RIPOR1: variants seen among roughly 807,000 people sequenced by gnomAD.
RIPOR1 encodes rho family-interacting cell polarization regulator 1.
RIPOR1 carries 58 observed loss-of-function variants against 116.5 expected under a neutral mutation model. That is an observed-to-expected ratio of 0.50 (90% confidence interval 0.40 to 0.62). RIPOR1 has a LOEUF of 0.62. Among genes scored for constraint, RIPOR1 ranks in the 20% least tolerant of loss-of-function variants. The pLI, the probability that RIPOR1 is intolerant of heterozygous loss-of-function variation, is 0.00. For missense variants in RIPOR1, 1,372 were observed against 1,586.2 expected (o/e 0.86, Z 2.29); for synonymous variants, 605 against 650.0 (o/e 0.93, Z 1.05).
chr16:67,525,719 A>T (rs2050534647), upstream of RIPOR1, among the ~76,000 whole-genome samples: 1 of 152,128 alleles, frequency 6.6e-6, no homozygotes, highest in Non-Finnish European at 1.5e-5. Flanking sequence ...AGAAGTGCTC[A>T]TAATTCCTTT....
In RIPOR1 at chr16:67,545,413, G is replaced by A; in HGVS notation, c.3069G>A (p.Lys1023=). 1 of 1,613,982 alleles carries A rather than the reference G, an allele frequency of 6.2e-7. No homozygotes were observed. The highest frequency in any genetic ancestry group is 8.5e-7 in the Non-Finnish European group (1 of 1,180,020). Residue 1023 remains lysine (K), a synonymous_variant, in exon 18 of 22, where the codon AAG becomes AAA. Coordinates refer to ENST00000042381, the MANE Select transcript of RIPOR1 (RefSeq NM_024519.4). This position sits in a 1 kb window ranked among gnomAD's most constrained non-coding sequence, Gnocchi z 4.8. The part of the protein sequence containing the change: ...VKFLEDALGQ[K]LPRRPQPGPG... ...TCCTGGAGGATGCCCTGGGGCAGAA[G>A]CTGCCCAGAAGGCCCCAGCCAGGGC...
At position 67,540,368 on chromosome 16, in the gene RIPOR1, T is replaced by C; in HGVS notation, c.631+5T>C. 1 of 1,614,104 alleles carries C rather than the reference T, an allele frequency of 6.2e-7. No individual in the cohort carries two copies. Among genetic ancestry groups the C allele is most frequent in the Non-Finnish European group, 8.5e-7 (1 of 1,180,020 alleles). The stretch of plus-strand genomic sequence containing the variant: ...AGTTTCATCTCCGAATGAAAGGTAC[T>C]GAGTTGTGGGGGCAGGTGGGGGGCT... On this transcript the variant is annotated splice_donor_5th_base_variant and intron_variant, in intron 8 of 21. Transcript: ENST00000042381. This position sits in a 1 kb window ranked among gnomAD's most constrained non-coding sequence, Gnocchi z 4.7.
chr16:67,527,744 G>T (rs980696964), upstream of RIPOR1, among the ~76,000 whole-genome samples: 8 of 151,784 alleles, frequency 5.3e-5, no homozygotes, highest in African/African-American at 1.9e-4. Context: ...GGCGTGGTGT[G>T]GGCGCCTGTA....
At chr16:67,528,955 G>A (rs540426899) in intron 1 of RIPOR1, 41 bp downstream of exon 1, 79 of 183,014 alleles carry the variant, frequency 4.3e-4, no homozygotes, top group Middle Eastern at 4.6e-3. Flanking sequence ...AGGCCGGGCG[G>A]GGAGCAGGCG....
Position 67,544,203 on chromosome 16 carries a change from T to C in RIPOR1, c.2601-96T>C. 3 of 1,474,048 alleles carry C rather than the reference T, an allele frequency of 2.0e-6. No individual in the cohort carries two copies. The highest frequency in any genetic ancestry group is 2.7e-6 in the Non-Finnish European group (3 of 1,091,172). 91.3% of individuals were successfully genotyped at this position (1,474,048 alleles called of 1,614,324 possible). On this transcript the variant is annotated intron_variant, in intron 14 of 21. Coordinates refer to ENST00000042381, the MANE Select transcript of RIPOR1 (RefSeq NM_024519.4). The surrounding 1 kb of genome is among the most constrained non-coding windows in gnomAD (Gnocchi z 5.1). ...TGTCTGCTGTCGGTGCATCATCTTC[T>C]TCCTTTCTGGCATGGGGGAAGCTTA... is the stretch of plus-strand genomic sequence containing the variant.
chr16:67,522,683 C>A (rs2050505239), intron 1 of RIPOR1, among the ~76,000 whole-genome samples: 1 of 151,944 alleles, frequency 6.6e-6, no homozygotes, highest in Non-Finnish European at 1.5e-5. Flanking sequence ...AGATATAAAA[C>A]CCTCACTCCC....
chr16:67,539,407 C>T lies in RIPOR1; in HGVS notation c.337-321C>T, dbSNP rs2050904011. 1.1e-5 allele frequency: 6 copies of T among 527,238 alleles called. No homozygotes were observed. In the South Asian group the frequency reaches 1.3e-4, roughly 11 times the overall value. 32.7% of individuals were successfully genotyped at this position (527,238 alleles called of 1,614,324 possible). A position where few individuals can be genotyped will look rare whatever the true frequency, so the allele number is the denominator to read the frequency against. ...TTAGGGCTTCCTGGAGGAGGGAACA[C>T]TTCTGCCGGGGCTTGATGGGAGTTC... On this transcript the variant is annotated intron_variant, in intron 4 of 21. Transcript: ENST00000042381.
Position 67,540,750 on chromosome 16 carries a change from C to G in RIPOR1, c.801+46C>G. 6.5e-7 allele frequency: 1 copy of G among 1,533,420 alleles called. No homozygotes were observed. The highest frequency in any genetic ancestry group is 8.8e-7 in the Non-Finnish European group (1 of 1,137,878). 95.0% of individuals were successfully genotyped at this position (1,533,420 alleles called of 1,614,324 possible). A position where few individuals can be genotyped will look rare whatever the true frequency, so the allele number is the denominator to read the frequency against. On this transcript the variant is annotated intron_variant, in intron 10 of 21. Coordinates refer to ENST00000042381, the MANE Select transcript of RIPOR1 (RefSeq NM_024519.4). This position sits in a 1 kb window ranked among gnomAD's most constrained non-coding sequence, Gnocchi z 4.7. ...GGCAGGCCACCATGGCCCTGTGAAC[C>G]CCTTGTGACCCCCATTACCCTGAGT...
Position 67,540,182 on chromosome 16 carries a change from CG to C in RIPOR1, c.549del (p.His184IlefsTer26). ...EARDSLAEAT[R>X]GHREYTESMC... ...CCGGGACAGCCTGGCAGAGGCCACT[CG>C]GGGGCATCGCGAGTACACGGAGGTG... On this transcript the variant is annotated frameshift_variant, in exon 7 of 22. Coordinates refer to ENST00000042381, the MANE Select transcript of RIPOR1 (RefSeq NM_024519.4). LOFTEE classifies it high-confidence loss of function. The surrounding 1 kb of genome is among the most constrained non-coding windows in gnomAD (Gnocchi z 4.7). 1 of 1,614,090 alleles carries C rather than the reference CG, an allele frequency of 6.2e-7. No individual in the cohort carries two copies. The highest frequency in any genetic ancestry group is 8.5e-7 in the Non-Finnish European group (1 of 1,179,988).
chr16:67,539,480 C>T (rs1287456033), intron 4 of RIPOR1: 1 of 585,930 alleles, frequency 1.7e-6, no homozygotes, highest in Non-Finnish European at 3.1e-6. Context: ...TCTCCCCAGG[C>T]GGCTGCAGGA....
chr16:67,528,994 C>A, intron 1 of RIPOR1, 80 bp downstream of exon 1: 1 of 169,270 alleles, frequency 5.9e-6, no homozygotes, highest in South Asian at 9.9e-5. Flanking sequence ...CCCGCCGGCG[C>A]CGCCCGGTGG....
chr16:67,525,512 G>T (rs184278853), upstream of RIPOR1, among the ~76,000 whole-genome samples: 670 of 152,194 alleles, frequency 4.4e-3, 1 homozygote, highest in African/African-American at 0.016. Context: ...ATCCGCGGGG[G>T]CTGTAGGGTG....
chr16:67,533,289 G>A (rs2050708958), intron 1 of RIPOR1, among the ~76,000 whole-genome samples: 1 of 152,204 alleles, frequency 6.6e-6, no homozygotes, highest in South Asian at 2.1e-4. Context: ...CAAGCAGGCA[G>A]TTGGATACAG....
At chr16:67,534,009 G>A (rs1334258483) in intron 1 of RIPOR1, among the ~76,000 whole-genome samples, 1 of 147,172 alleles carries the variant, frequency 6.8e-6, no homozygotes, top group African/African-American at 2.5e-5. Flanking sequence ...TAGTAGAGAC[G>A]GGGTTTCACC....
At chr16:67,522,191 ATT>A (rs34835336) in intron 1 of RIPOR1, among the ~76,000 whole-genome samples, 39 of 71,328 alleles carry the variant, frequency 5.5e-4, no homozygotes, top group African/African-American at 1.7e-3. Flanking sequence ...CCACGCCCAG[ATT>A]TTTTTTTTTT....
At chr16:67,522,638 A>G (rs1169670710) in intron 1 of RIPOR1, among the ~76,000 whole-genome samples, 1 of 152,004 alleles carries the variant, frequency 6.6e-6, no homozygotes, top group Non-Finnish European at 1.5e-5. Context: ...TCCGGCCTCC[A>G]CCATGCTTAT....
Position 67,538,240 on chromosome 16 carries a change from C to G in RIPOR1, c.-23-184C>G, listed in dbSNP as rs2050857931. 7 of 644,056 alleles carry G rather than the reference C, an allele frequency of 1.1e-5. No individual in the cohort carries two copies. The East Asian group carries it at 2.3e-4, about 21-fold the overall frequency. 39.9% of individuals were successfully genotyped at this position (644,056 alleles called of 1,614,324 possible). A position where few individuals can be genotyped will look rare whatever the true frequency, so the allele number is the denominator to read the frequency against. ...GCCGAGGCCACGCTGAGTCCGAGGC[C>G]GAGTCGCCTGCGGCTGTCCTGTCAT... On this transcript the variant is annotated intron_variant, in intron 1 of 21. Transcript: ENST00000042381.
chr16:67,538,028 T>G (rs1195745610), intron 1 of RIPOR1: 5 of 187,110 alleles, frequency 2.7e-5, no homozygotes, highest in Admixed American at 6.2e-5. Flanking sequence ...CCGGGTGCCC[T>G]GGGGGGGGAA....
At chr16:67,525,829 G>A (rs950590701), upstream of RIPOR1, among the ~76,000 whole-genome samples, 1 of 152,166 alleles carries the variant, frequency 6.6e-6, no homozygotes, top group African/African-American at 2.4e-5. Context: ...GACCCAGGGA[G>A]CCAAGTTGGA....
Sources: allele counts gnomAD v4.1 joint callset (sites outside exome capture counted in the v4.1 genomes callset), GRCh38; gene constraint gnomAD v4.1.1; non-coding constraint Gnocchi (gnomAD v3.1); transcripts MANE v1.5; gene names NCBI Gene and HGNC (gene_info 2026-07-23, HGNC 2026-07-21).